FRMD4A: variants seen among roughly 807,000 people sequenced by gnomAD.
FRMD4A encodes FERM domain-containing protein 4A.
In FRMD4A, 29 loss-of-function variants were observed where a neutral mutation model predicts 129.1. That is an observed-to-expected ratio of 0.22 (90% CI 0.17 to 0.31). The LOEUF (loss-of-function observed/expected upper bound fraction) is 0.31, where lower values mean the gene tolerates loss of function less well. Ranked by LOEUF, FRMD4A falls within the 10% of genes least tolerant of loss-of-function variation. The pLI is 1.00. For synonymous variants in FRMD4A, 634 were observed against 571.6 expected (o/e 1.11, Z -1.56); for missense variants, 1,272 against 1,375.8 (o/e 0.92, Z 1.19).
At chr10:14,308,589 CT>C (rs1461021546) in intron 2 of FRMD4A, among the ~76,000 whole-genome samples, 1 of 152,194 alleles carries the variant, frequency 6.6e-6, no homozygotes, top group Admixed American at 6.5e-5. Flanking sequence ...CCCCTGGCCC[CT>C]ATACATGTCT....
chr10:13,950,289 T>C (rs1274651246), intron 2 of FRMD4A, among the ~76,000 whole-genome samples: 1 of 152,254 alleles, frequency 6.6e-6, no homozygotes, highest in Non-Finnish European at 1.5e-5. Flanking sequence ...CAGTGTGATG[T>C]TATTTCTGGC....
At chr10:13,816,670 C>A (rs545777965) in intron 3 of FRMD4A, among the ~76,000 whole-genome samples, 1 of 152,362 alleles carries the variant, frequency 6.6e-6, no homozygotes, top group East Asian at 1.9e-4. Flanking sequence ...GCTGGGCAAG[C>A]AGAAAGCAAT....
intron 12 of FRMD4A, chr10:13,707,953 C>T (rs920108007): frequency 8.6e-6 from 8 of 927,760 alleles, no homozygotes; most frequent in South Asian, 1.0e-4. Flanking sequence ...GCTCCAGGAA[C>T]GGGGTTCCTT....
At chr10:14,006,866 G>A (rs2095664043) in intron 2 of FRMD4A, among the ~76,000 whole-genome samples, 1 of 152,132 alleles carries the variant, frequency 6.6e-6, no homozygotes, top group Non-Finnish European at 1.5e-5. Flanking sequence ...ATTAGTTGAT[G>A]ATCTTGACAT....
At chr10:13,661,219 G>A (rs1484710414) in intron 19 of FRMD4A, among the ~76,000 whole-genome samples, 1 of 152,198 alleles carries the variant, frequency 6.6e-6, no homozygotes, top group African/African-American at 2.4e-5. Context: ...ATTAATAAAT[G>A]ATTCCCTGCC....
intron 3 of FRMD4A, among the ~76,000 whole-genome samples, chr10:13,822,155 G>A (rs1388271413): frequency 6.6e-6 from 1 of 151,846 alleles, no homozygotes; most frequent in Admixed American, 6.6e-5. Flanking sequence ...TGCACATGTG[G>A]GCTGACCCAT....
rs116370662 is a variant in FRMD4A at position 13,869,633 on chromosome 10, G to A, written c.46-10721C>T. 6.7e-3 allele frequency among the ~76,000 whole-genome samples: 1,019 copies of A among 152,314 alleles called. 16 individuals are homozygous for A. Among genetic ancestry groups the A allele is most frequent in the African/African-American group, 0.023 (973 of 41,562 alleles). ...AGGGCAGAAGCCGCTCACAGGTGGC[G>A]GGCAGGTGTACAAAGAACTCCAGGC... On this transcript the variant is annotated intron_variant, in intron 2 of 24. Transcript: ENST00000357447.
chr10:13,700,820 C>CTTTTTTT lies in FRMD4A; in HGVS notation c.975+513_975+519dup, dbSNP rs71503097. Among the ~76,000 whole-genome samples the CTTTTTTT allele has an allele frequency of 6.9e-3, 308 of 44,694 alleles. 30 individuals are homozygous for CTTTTTTT. Among genetic ancestry groups the CTTTTTTT allele is most frequent in the African/African-American group, 0.025 (290 of 11,572 alleles). The allele number at this position is 44,694 out of a possible 152,430, so 29.3% of individuals were successfully genotyped here. On this transcript the variant is annotated intron_variant, in intron 14 of 24. Coordinates refer to ENST00000357447, the MANE Select transcript of FRMD4A (RefSeq NM_018027.5). ...CTACCTTAGGGAAACAGGGTAGTTG[C>CTTTTTTT]TTTTTTTTTTTTTTTTTTTTTTTTT...
At chr10:14,051,993 A>G (rs562519366) in intron 2 of FRMD4A, among the ~76,000 whole-genome samples, 1 of 152,358 alleles carries the variant, frequency 6.6e-6, no homozygotes, top group East Asian at 1.9e-4. Context: ...GTCACACTGG[A>G]GTAGGGTAAG....
intron 2 of FRMD4A, among the ~76,000 whole-genome samples, chr10:14,208,362 AGG>A (rs1842844841): frequency 6.6e-6 from 1 of 152,014 alleles, no homozygotes; most frequent in African/African-American, 2.4e-5. Flanking sequence ...GTCTCTGGGG[AGG>A]GCTGTCCTCT....
Position 13,866,839 on chromosome 10 carries a change from T to C in FRMD4A, c.46-7927A>G, listed in dbSNP as rs549118560. ...TGTTGGCACCTGTAATCCCAACTAC[T>C]GGGGAGGATGAGGCAGGAGAATCAC... On this transcript the variant is annotated intron_variant, in intron 2 of 24. Coordinates refer to ENST00000357447, the MANE Select transcript of FRMD4A (RefSeq NM_018027.5). 3.3e-5 allele frequency among the ~76,000 whole-genome samples: 5 copies of C among 152,204 alleles called. No homozygotes were observed. In the South Asian group the frequency reaches 1.0e-3, roughly 32 times the overall value.
intron 12 of FRMD4A, among the ~76,000 whole-genome samples, chr10:13,723,910 A>G (rs1172089169): frequency 6.6e-6 from 1 of 152,194 alleles, no homozygotes; most frequent in Non-Finnish European, 1.5e-5. Context: ...ACTTTAGAGC[A>G]AGTTTGAAGC....
At chr10:13,835,281 G>A (rs1463943447) in intron 3 of FRMD4A, among the ~76,000 whole-genome samples, 1 of 152,156 alleles carries the variant, frequency 6.6e-6, no homozygotes, top group African/African-American at 2.4e-5. Context: ...TTATCCTACG[G>A]TTGTCCTCAA....
intron 5 of FRMD4A, among the ~76,000 whole-genome samples, chr10:13,783,565 A>G (rs1333753755): frequency 6.9e-6 from 1 of 145,702 alleles, no homozygotes. Context: ...TTTTTTTTGT[A>G]GATACGGAGT....
intron 2 of FRMD4A, among the ~76,000 whole-genome samples, chr10:14,274,094 G>A (rs908164356): frequency 6.6e-6 from 1 of 152,226 alleles, no homozygotes; most frequent in African/African-American, 2.4e-5. Context: ...CCAAAGGGAG[G>A]TGCTGTGTAC....
chr10:13,656,576 G>C (rs1421649339), intron 22 of FRMD4A, 60 bp downstream of exon 22: 1 of 1,329,942 alleles, frequency 7.5e-7, no homozygotes, highest in Non-Finnish European at 9.6e-7. Context: ...GGTAGCCCTT[G>C]ACACCGGCAA....
At chr10:14,000,111 C>T (rs768079484) in intron 2 of FRMD4A, among the ~76,000 whole-genome samples, 12 of 152,044 alleles carry the variant, frequency 7.9e-5, no homozygotes, top group African/African-American at 9.7e-5. Flanking sequence ...ATTAAAAATC[C>T]GTAGATGTGG....
chr10:13,984,729 G>A (rs1172696149), intron 2 of FRMD4A, among the ~76,000 whole-genome samples: 1 of 152,222 alleles, frequency 6.6e-6, no homozygotes, highest in African/African-American at 2.4e-5. Flanking sequence ...TTAAGGCTGA[G>A]TAATGTTCCA....
intron 2 of FRMD4A, among the ~76,000 whole-genome samples, chr10:13,963,760 A>G (rs2095463452): frequency 6.6e-6 from 1 of 152,244 alleles, no homozygotes; most frequent in Admixed American, 6.5e-5. Flanking sequence ...GTGTTCTTAT[A>G]TATTAGCTCA....
Sources: gnomAD v4.1 joint callset for allele counts (sites outside exome capture counted in the v4.1 genomes callset) on GRCh38, gnomAD v4.1.1 for gene constraint, MANE v1.5 for transcripts, NCBI Gene and HGNC (gene_info 2026-07-23, HGNC 2026-07-21) for gene names.